SLC36A1: variants seen among roughly 807,000 people sequenced by gnomAD.
The protein encoded by SLC36A1 is proton-coupled amino acid transporter 1.
A neutral mutation model predicts 47.5 loss-of-function variants in SLC36A1; 30 were observed. That is an observed-to-expected ratio of 0.63 (90% CI 0.47 to 0.86). The LOEUF is 0.86. Among genes scored for constraint, SLC36A1 ranks in the 40% least tolerant of loss-of-function variants. SLC36A1 has a pLI of 0.00. For missense variants in SLC36A1, 517 were observed against 606.0 expected, an observed-to-expected ratio of 0.85 and a Z score of 1.54; for synonymous variants, 255 against 249.7, an observed-to-expected ratio of 1.02 and a Z score of -0.20.
intron 1 of SLC36A1, among the ~76,000 whole-genome samples, chr5:151,441,502 A>C (rs913612059): frequency 3.3e-5 from 5 of 152,160 alleles, no homozygotes; most frequent in African/African-American, 1.2e-4. Context: ...TGAAGAGTAA[A>C]AGTCTTAAGC....
the SLC36A1 span, among the ~76,000 whole-genome samples, chr5:151,376,928 C>A: frequency 5.9e-5 from 9 of 152,088 alleles, no homozygotes. Flanking sequence ...CCGCCGCACC[C>A]GGCCAAAAAA....
the SLC36A1 span, among the ~76,000 whole-genome samples, chr5:151,417,309 G>A: frequency 6.6e-6 from 1 of 152,164 alleles, no homozygotes; most frequent in Non-Finnish European, 1.5e-5. Flanking sequence ...GAATTGCTTT[G>A]ACCAAAATAC....
At chr5:151,408,587 A>G in the SLC36A1 span, among the ~76,000 whole-genome samples, 1 of 152,218 alleles carries the variant, frequency 6.6e-6, no homozygotes, top group African/African-American at 2.4e-5. Flanking sequence ...TACTACAAAT[A>G]CGTAATTAAG....
At chr5:151,429,143 T>G in the SLC36A1 span, among the ~76,000 whole-genome samples, 1 of 152,218 alleles carries the variant, frequency 6.6e-6, no homozygotes, top group Non-Finnish European at 1.5e-5. Flanking sequence ...TCAACAACTC[T>G]AAGCAGTGGA....
At chr5:151,467,320 A>T (rs1561756273) in intron 6 of SLC36A1, 37 bp downstream of exon 6, 1 of 976,078 alleles carries the variant, frequency 1.0e-6, no homozygotes, top group South Asian at 1.6e-5. Flanking sequence ...AAAAAAAAAA[A>T]CCAGAGCGAG....
the SLC36A1 span, chr5:151,545,698 A>C: frequency 6.2e-7 from 1 of 1,614,168 alleles, no homozygotes; most frequent in Non-Finnish European, 8.5e-7. Context: ...GAAAAACTTC[A>C]AGGCCTCCGG....
chr5:151,533,073 T>C, the SLC36A1 span, among the ~76,000 whole-genome samples: 1 of 152,146 alleles, frequency 6.6e-6, no homozygotes, highest in African/African-American at 2.4e-5. Flanking sequence ...TAATGGTAAG[T>C]TGATATAAGG....
At chr5:151,442,339 G>A (rs979029888) in intron 1 of SLC36A1, among the ~76,000 whole-genome samples, 2 of 151,946 alleles carry the variant, frequency 1.3e-5, no homozygotes, top group Non-Finnish European at 2.9e-5. Flanking sequence ...CATTTCACAG[G>A]AATTTTAAAT....
At chr5:151,390,021 C>T in the SLC36A1 span, among the ~76,000 whole-genome samples, 5 of 152,176 alleles carry the variant, frequency 3.3e-5, no homozygotes, top group African/African-American at 2.4e-5. Flanking sequence ...TTTACAGTCC[C>T]ACCAACAGTG....
chr5:151,528,226 T>A, the SLC36A1 span: 1 of 1,480,504 alleles, frequency 6.8e-7, no homozygotes, highest in Non-Finnish European at 9.2e-7. Context: ...CCCCAGTGAC[T>A]GCCTTTGGGC....
chr5:151,502,699 G>A, the SLC36A1 span, among the ~76,000 whole-genome samples: 3 of 148,332 alleles, frequency 2.0e-5, 1 homozygote, highest in African/African-American at 8.0e-5. Context: ...ATTCACTGCT[G>A]GTGGGAACGT....
At chr5:151,537,911 A>G in the SLC36A1 span, 7 of 1,614,200 alleles carry the variant, frequency 4.3e-6, no homozygotes, top group South Asian at 7.7e-5. Context: ...AGTGTCCTGG[A>G]AATACATCTT....
At chr5:151,401,396 G>A in the SLC36A1 span, among the ~76,000 whole-genome samples, 1 of 152,044 alleles carries the variant, frequency 6.6e-6, no homozygotes, top group African/African-American at 2.4e-5. Context: ...GTCTGTTTTT[G>A]TACCAATACC....
rs192295331 is a variant in SLC36A1, at chr5:151,457,974, G to A, written c.-5-814G>A. Among the ~76,000 whole-genome samples the A allele has an allele frequency of 4.0e-5, 6 of 151,534 alleles. 1 individual carries two copies. Among genetic ancestry groups the A allele is most frequent in the Admixed American group, 2.6e-4 (4 of 15,228 alleles). On this transcript the variant is annotated intron_variant, in intron 1 of 10. Transcript: ENST00000243389. ...AGCGATTCTCCTGCCTCAGCCTCCC[G>A]AGTAGCTGGGATTACAGGCATGCAC...
intron 7 of SLC36A1, among the ~76,000 whole-genome samples, chr5:151,472,149 C>T (rs1757394885): frequency 6.6e-6 from 1 of 152,208 alleles, no homozygotes; most frequent in Non-Finnish European, 1.5e-5. Context: ...CTCACGCAAT[C>T]ACAGGTTTCC....
the SLC36A1 span, among the ~76,000 whole-genome samples, chr5:151,396,314 G>GC: frequency 6.6e-6 from 1 of 150,530 alleles, no homozygotes; most frequent in Non-Finnish European, 1.5e-5. Flanking sequence ...TATTGGCCAG[G>GC]CTGGTCTCGA....
intron 4 of SLC36A1, among the ~76,000 whole-genome samples, 163 bp from the exon 5 acceptor site, chr5:151,464,911 C>G (rs1756114982): frequency 6.6e-6 from 1 of 152,204 alleles, no homozygotes; most frequent in Non-Finnish European, 1.5e-5. Context: ...ATCCTGTCGA[C>G]TGAATACTTC....
At chr5:151,406,273 C>T in the SLC36A1 span, among the ~76,000 whole-genome samples, 6 of 152,070 alleles carry the variant, frequency 3.9e-5, no homozygotes, top group South Asian at 2.1e-4. Flanking sequence ...GAGCAGGCTT[C>T]GAAGTATGTC....
chr5:151,519,869 GACTC>G, the SLC36A1 span, among the ~76,000 whole-genome samples: 48 of 152,176 alleles, frequency 3.2e-4, no homozygotes, highest in South Asian at 9.8e-3. Flanking sequence ...CCAATTCTAG[GACTC>G]ACTCAGAACC....
Sources: gnomAD v4.1 joint callset for allele counts (sites outside exome capture counted in the v4.1 genomes callset) on GRCh38, gnomAD v4.1.1 for gene constraint, MANE v1.5 for transcripts, NCBI Gene and HGNC (gene_info 2026-07-23, HGNC 2026-07-21) for gene names.